Variants in ADHFE1 observed in about 807,000 individuals in gnomAD.
ADHFE1 encodes alcohol dehydrogenase iron containing 1, also known as hydroxyacid-oxoacid transhydrogenase, mitochondrial.
In ADHFE1, 37 loss-of-function variants were observed where a neutral mutation model predicts 54.8. The observed-to-expected ratio is 0.68, with a 90% CI of 0.52 to 0.89. ADHFE1 has a LOEUF of 0.89. Ranked by LOEUF, ADHFE1 falls within the 40% of genes least tolerant of loss-of-function variation. The pLI, the probability that ADHFE1 is intolerant of heterozygous loss-of-function variation, is 0.00. For synonymous variants in ADHFE1, 203 were observed against 229.3 expected, an observed-to-expected ratio of 0.89 and a Z score of 1.04; for missense variants, 601 against 591.2, an observed-to-expected ratio of 1.02 and a Z score of -0.17.
In ADHFE1 at chr8:66,443,878, C is replaced by T. The variant is rs376529706; in HGVS notation, c.145-489C>T. ...CAGATCAAATAAAATATATTTCAGG[C>T]GAAACATGACCCATCATCCATCAGT... On this transcript the variant is annotated intron_variant, in intron 3 of 13. Coordinates refer to ENST00000396623, the MANE Select transcript of ADHFE1 (RefSeq NM_144650.3). Among the ~76,000 whole-genome samples the T allele has an allele frequency of 3.0e-4, 46 of 151,950 alleles. No individual in the cohort carries two copies. The East Asian group carries it at 4.6e-3, about 15-fold the overall frequency.
chr8:66,432,853 G>A (rs1025511224), intron 1 of ADHFE1: 4 of 1,216,608 alleles, frequency 3.3e-6, no homozygotes, highest in Admixed American at 8.6e-5. Flanking sequence ...ATCGTAGCAG[G>A]CAGTGGAGAG....
intron 6 of ADHFE1, among the ~76,000 whole-genome samples, chr8:66,446,647 C>A (rs1304819498): frequency 6.7e-6 from 1 of 149,742 alleles, no homozygotes; most frequent in Non-Finnish European, 1.5e-5. Context: ...TATATTAACG[C>A]TCATATTTAT....
At position 66,432,658 on chromosome 8, in the gene ADHFE1, A is replaced by G. The variant is rs1805259814; in HGVS notation, c.59+83A>G. Reference sequence around the variant, plus strand: ...GGTGTGACCCGCTCAGATCCTGCGCAGTCTTCTCCGCTTACTTTCAAGAAT... The same window carrying G: ...GGTGTGACCCGCTCAGATCCTGCGCGGTCTTCTCCGCTTACTTTCAAGAAT... On this transcript the variant is annotated intron_variant, in intron 1 of 13. Coordinates refer to ENST00000396623, the MANE Select transcript of ADHFE1 (RefSeq NM_144650.3). 2.4e-6 allele frequency: 3 copies of G among 1,240,544 alleles called. No homozygotes were observed. The Admixed American group carries it at 1.3e-4, about 52-fold the overall frequency. 76.8% of individuals were successfully genotyped at this position (1,240,544 alleles called of 1,614,324 possible). A position where few individuals can be genotyped will look rare whatever the true frequency, so the allele number is the denominator to read the frequency against.
intron 12 of ADHFE1, chr8:66,460,010 A>G: frequency 3.0e-6 from 1 of 334,594 alleles, no homozygotes; most frequent in Non-Finnish European, 5.5e-6. Context: ...TCATTCCTCC[A>G]TCCCAGCACC....
chr8:66,453,638 G>A, intron 9 of ADHFE1: 1 of 1,296,078 alleles, frequency 7.7e-7, no homozygotes, highest in Non-Finnish European at 1.0e-6. Flanking sequence ...GTGGGAGGCA[G>A]TGTCTCAGAG....
chr8:66,458,734 C>T (rs62511220), intron 12 of ADHFE1, among the ~76,000 whole-genome samples: 3,407 of 152,256 alleles, frequency 0.022, 63 homozygotes, highest in Middle Eastern at 0.048. Flanking sequence ...CTATCCCACA[C>T]GATGAAATAT....
intron 8 of ADHFE1, among the ~76,000 whole-genome samples, chr8:66,450,559 G>A (rs1182239176): frequency 1.3e-5 from 2 of 152,240 alleles, no homozygotes; most frequent in Non-Finnish European, 2.9e-5. Flanking sequence ...TTGACTGTAG[G>A]GAGAGAAGGT....
intron 10 of ADHFE1, among the ~76,000 whole-genome samples, chr8:66,455,559 C>T (rs1443371784): frequency 6.6e-6 from 1 of 152,220 alleles, no homozygotes; most frequent in Non-Finnish European, 1.5e-5. Flanking sequence ...GCAAAGTGTA[C>T]CCAGAGCCTG....
intron 9 of ADHFE1, chr8:66,453,682 A>G: frequency 7.3e-7 from 1 of 1,367,616 alleles, no homozygotes; most frequent in Non-Finnish European, 9.8e-7. Context: ...AGCCCCGGGC[A>G]TCTGAGAATG....
rs1161686733 is a variant in ADHFE1 at position 66,468,297 on chromosome 8, C to G, written c.1349C>G (p.Pro450Arg). The change falls in exon 14 of 14, where the codon CCC becomes CGC. Residue 450 changes from proline to arginine, a missense_variant. Transcript: ENST00000396623. Reference protein sequence around the residue: ...QERVTKLAPCPQSEEDLAALF... With the variant: ...QERVTKLAPCRQSEEDLAALF... Reference sequence around the variant, plus strand: ...AGGGTCACCAAGCTTGCACCCTGTCCCCAGTCAGAAGAGGATCTGGCTGCT... The same window carrying G: ...AGGGTCACCAAGCTTGCACCCTGTCGCCAGTCAGAAGAGGATCTGGCTGCT... 1.9e-6 allele frequency: 3 copies of G among 1,613,168 alleles called. No homozygotes were observed. The East Asian group carries it at 6.7e-5, about 36-fold the overall frequency.
chr8:66,447,488 C>G, intron 7 of ADHFE1, 147 bp downstream of exon 7: 1 of 674,454 alleles, frequency 1.5e-6, no homozygotes, highest in Non-Finnish European at 2.5e-6. Flanking sequence ...AAGTCAGCAA[C>G]AAAGTATTGT....
chr8:66,432,569 G>GCGCAGCGTGAGTGCGGGGCC lies in ADHFE1; in HGVS notation c.54_59+14dup, dbSNP rs753083358. On this transcript the variant is annotated stop_gained and frameshift_variant, in exon 1 of 14. Coordinates refer to ENST00000396623, the MANE Select transcript of ADHFE1 (RefSeq NM_144650.3). LOFTEE classifies it high-confidence loss of function. Reference sequence around the variant, plus strand: ...GCGTACTTGCTGAGGCAACTGCAACGCGCAGCGTGAGTGCGGGGCCGGCGG... The same window carrying GCGCAGCGTGAGTGCGGGGCC: ...GCGTACTTGCTGAGGCAACTGCAACGCGCAGCGTGAGTGCGGGGCCCGCAGCGTGAGTGCGGGGCCGGCGG... 45 of 1,342,046 alleles carry GCGCAGCGTGAGTGCGGGGCC rather than the reference G, an allele frequency of 3.4e-5. No homozygotes were observed. Among genetic ancestry groups the GCGCAGCGTGAGTGCGGGGCC allele is most frequent in the Non-Finnish European group, 4.2e-5 (44 of 1,038,420 alleles). 83.1% of individuals were successfully genotyped at this position (1,342,046 alleles called of 1,614,324 possible). A position where few individuals can be genotyped will look rare whatever the true frequency, so the allele number is the denominator to read the frequency against.
intron 7 of ADHFE1, 76 bp downstream of exon 7, chr8:66,447,417 T>A: frequency 7.9e-7 from 1 of 1,271,150 alleles, no homozygotes; most frequent in South Asian, 1.3e-5. Flanking sequence ...TATTTAAAAA[T>A]CAAGCAGTTA....
chr8:66,466,945 G>A (rs1807223110), intron 13 of ADHFE1, among the ~76,000 whole-genome samples: 1 of 152,242 alleles, frequency 6.6e-6, no homozygotes, highest in African/African-American at 2.4e-5. Flanking sequence ...GGTAGCCTTA[G>A]AGGCCATGGT....
At chr8:66,440,899 AC>A (rs1434154799) in intron 2 of ADHFE1, among the ~76,000 whole-genome samples, 1 of 152,180 alleles carries the variant, frequency 6.6e-6, no homozygotes, top group Non-Finnish European at 1.5e-5. Flanking sequence ...CTAAGCAGAA[AC>A]CCACAGAGAA....
rs577832076 is a variant in ADHFE1, at chr8:66,443,483, G to A, written c.144+639G>A. Among the ~76,000 whole-genome samples, 52 of 152,026 alleles carry A rather than the reference G, an allele frequency of 3.4e-4. 2 individuals are homozygous for A. In the South Asian group the frequency reaches 8.3e-3, roughly 24 times the overall value. On this transcript the variant is annotated intron_variant, in intron 3 of 13. Coordinates refer to ENST00000396623, the MANE Select transcript of ADHFE1 (RefSeq NM_144650.3). ...AGTAGAGACAGGGTTTTGCCATGTT[G>A]GCCAGGCTGGTCTCGAACTCCTGAC...
intron 12 of ADHFE1, among the ~76,000 whole-genome samples, chr8:66,457,571 T>A (rs1407313498): frequency 2.0e-5 from 3 of 151,752 alleles, no homozygotes; most frequent in Non-Finnish European, 4.4e-5. Context: ...CACAGTGTAA[T>A]CCTAACACTT....
intron 1 of ADHFE1, chr8:66,432,985 T>C: frequency 1.1e-6 from 1 of 885,096 alleles, no homozygotes; most frequent in South Asian, 5.2e-5. Flanking sequence ...CTGGAGCAGT[T>C]TGAGGTCTAG....
Position 66,445,394 on chromosome 8 carries a change from C to T in ADHFE1, c.530C>T (p.Pro177Leu). The T allele has an allele frequency of 6.2e-7, 1 of 1,609,432 alleles. No homozygotes were observed. Among genetic ancestry groups the T allele is most frequent in the Middle Eastern group, 1.7e-4 (1 of 5,988 alleles). ...GGCAAGGGAAAGCCTGTGTCTGTGC[C>T]TCTTAAGCCTCTGATTGCAGGTAAA... ...PIGKGKPVSV[P>L]LKPLIAVPTT... The change falls in exon 6 of 14, where the codon CCT becomes CTT. Residue 177 changes from proline to leucine, a missense_variant. Coordinates refer to ENST00000396623, the MANE Select transcript of ADHFE1 (RefSeq NM_144650.3).
Sources: allele counts gnomAD v4.1 joint callset (sites outside exome capture counted in the v4.1 genomes callset), GRCh38; gene constraint gnomAD v4.1.1; transcripts MANE v1.5; gene names NCBI Gene and HGNC (gene_info 2026-07-23, HGNC 2026-07-21).